The following ATP8B4 variants were observed in gnomAD, a reference collection of about 807,000 sequenced individuals.
ATP8B4 encodes probable phospholipid-transporting ATPase IM.
Under a neutral mutation model 145.6 loss-of-function variants are expected in ATP8B4, and 133 were observed. That is an observed-to-expected ratio of 0.91 (90% CI 0.79 to 1.05). The LOEUF (loss-of-function observed/expected upper bound fraction) is 1.05, where lower values mean the gene tolerates loss of function less well. Ranked by LOEUF, ATP8B4 falls within the 50% of genes least tolerant of loss-of-function variation. The pLI is 0.00. For synonymous variants in ATP8B4, 507 were observed against 492.9 expected, an observed-to-expected ratio of 1.03 and a Z score of -0.38; for missense variants, 1,458 against 1,425.2, an observed-to-expected ratio of 1.02 and a Z score of -0.37.
chr15:49,906,434 C>A (rs1000002345), intron 20 of ATP8B4, among the ~76,000 whole-genome samples: 2 of 152,172 alleles, frequency 1.3e-5, no homozygotes, highest in East Asian at 3.9e-4. Context: ...TGTCATCTAG[C>A]CAACCAAATG....
chr15:49,924,031 C>G (rs1458258280), intron 16 of ATP8B4, among the ~76,000 whole-genome samples: 1 of 151,910 alleles, frequency 6.6e-6, no homozygotes, highest in Non-Finnish European at 1.5e-5. Flanking sequence ...GTGGTTCGTT[C>G]CTGGGTAACA....
At chr15:49,952,712 G>T (rs948247586) in intron 14 of ATP8B4, among the ~76,000 whole-genome samples, 1 of 152,070 alleles carries the variant, frequency 6.6e-6, no homozygotes, top group Admixed American at 6.6e-5. Flanking sequence ...TCACCCATCT[G>T]ATCCTCTGTC....
chr15:50,170,817 C>A (rs1012990831), intron 1 of ATP8B4, among the ~76,000 whole-genome samples: 1 of 152,126 alleles, frequency 6.6e-6, no homozygotes, highest in Non-Finnish European at 1.5e-5. Context: ...AGGAGACTCA[C>A]CTAACACATA....
At chr15:50,072,893 G>A (rs1307373339) in intron 3 of ATP8B4, among the ~76,000 whole-genome samples, 2 of 134,218 alleles carry the variant, frequency 1.5e-5, no homozygotes, top group Non-Finnish European at 3.1e-5. Flanking sequence ...CTAGTGTTGG[G>A]ACTACAGGCA....
At chr15:50,043,030 C>T (rs1271327969) in intron 5 of ATP8B4, among the ~76,000 whole-genome samples, 2 of 152,058 alleles carry the variant, frequency 1.3e-5, no homozygotes, top group Non-Finnish European at 2.9e-5. Context: ...AAATTATTAG[C>T]CTACTATATA....
intron 19 of ATP8B4, 109 bp from the exon 20 acceptor site, chr15:49,917,148 G>A: frequency 1.0e-6 from 1 of 988,364 alleles, no homozygotes; most frequent in Non-Finnish European, 1.5e-6. Flanking sequence ...CCTACAGGGG[G>A]CTGATGTCAG....
chr15:49,879,493 T>C (rs759397176), intron 23 of ATP8B4, 34 bp from the exon 24 acceptor site: 13 of 1,531,094 alleles, frequency 8.5e-6, no homozygotes, highest in African/African-American at 1.4e-5. Context: ...GTGAGAAACA[T>C]CATCCATAGT....
At chr15:50,116,040 C>T (rs964662081) in intron 1 of ATP8B4, among the ~76,000 whole-genome samples, 1 of 152,084 alleles carries the variant, frequency 6.6e-6, no homozygotes, top group Non-Finnish European at 1.5e-5. Context: ...TGGGCTGGCA[C>T]AAGAGGAGAT....
intron 8 of ATP8B4, among the ~76,000 whole-genome samples, chr15:49,999,042 A>G (rs547259465): frequency 6.6e-6 from 1 of 152,246 alleles, no homozygotes; most frequent in South Asian, 2.1e-4. Flanking sequence ...CAAATATCAG[A>G]TAGTTGTAGA....
At chr15:50,170,858 G>A (rs957638731) in intron 1 of ATP8B4, among the ~76,000 whole-genome samples, 1 of 152,158 alleles carries the variant, frequency 6.6e-6, no homozygotes, top group South Asian at 2.1e-4. Flanking sequence ...GTAATGGGGT[G>A]GAAAGAGGTG....
At chr15:50,004,185 T>C (rs776417616) in intron 7 of ATP8B4, among the ~76,000 whole-genome samples, 11 of 152,190 alleles carry the variant, frequency 7.2e-5, no homozygotes, top group Non-Finnish European at 1.5e-4. Flanking sequence ...TCCCTTTTGT[T>C]AACCTCGTCC....
At chr15:50,085,971 G>GAT (rs1175623340) in intron 2 of ATP8B4, among the ~76,000 whole-genome samples, 787 of 72,962 alleles carry the variant, frequency 0.011, 57 homozygotes, top group Middle Eastern at 0.024. Context: ...ATTTATATAT[G>GAT]ATATATCAAA....
chr15:50,023,250 G>A (rs2049728214), intron 6 of ATP8B4, among the ~76,000 whole-genome samples: 1 of 152,030 alleles, frequency 6.6e-6, no homozygotes, highest in African/African-American at 2.4e-5. Flanking sequence ...TCTCTCTTCT[G>A]AATTCCTTTC....
intron 23 of ATP8B4, chr15:49,895,332 C>A (rs887821178): frequency 3.9e-5 from 6 of 152,224 alleles, no homozygotes; most frequent in Non-Finnish European, 8.8e-5. Flanking sequence ...GGGGCTAGAG[C>A]CCAGTGGGCA....
chr15:49,872,027 C>G (rs2033741424), intron 25 of ATP8B4, among the ~76,000 whole-genome samples: 1 of 152,174 alleles, frequency 6.6e-6, no homozygotes, highest in Non-Finnish European at 1.5e-5. Context: ...ACAAGCAGCA[C>G]CACCTCTTTT....
chr15:49,866,792 G>T (rs1440286021), intron 25 of ATP8B4, among the ~76,000 whole-genome samples: 1 of 152,128 alleles, frequency 6.6e-6, no homozygotes, highest in Non-Finnish European at 1.5e-5. Context: ...GAAAGCACAA[G>T]GGCTTATAAT....
At chr15:50,155,170 T>C (rs1458600147) in intron 1 of ATP8B4, among the ~76,000 whole-genome samples, 1 of 152,172 alleles carries the variant, frequency 6.6e-6, no homozygotes, top group African/African-American at 2.4e-5. Context: ...GTTAAATATA[T>C]ATTCATTTTG....
chr15:50,024,616 A>T (rs2049865592), intron 6 of ATP8B4, among the ~76,000 whole-genome samples: 1 of 152,170 alleles, frequency 6.6e-6, no homozygotes, highest in Non-Finnish European at 1.5e-5. Flanking sequence ...GCTGCAAGGG[A>T]AACGTCCACT....
intron 23 of ATP8B4, among the ~76,000 whole-genome samples, chr15:49,882,413 T>C (rs1326460313): frequency 2.6e-5 from 4 of 152,192 alleles, no homozygotes; most frequent in African/African-American, 9.7e-5. Context: ...ATGTCTATCT[T>C]CGTGCAGTGG....
Sources: gnomAD v4.1 joint callset for allele counts (sites outside exome capture counted in the v4.1 genomes callset) on GRCh38, gnomAD v4.1.1 for gene constraint, MANE v1.5 for transcripts, NCBI Gene and HGNC (gene_info 2026-07-23, HGNC 2026-07-21) for gene names.